The following PRKG1 variants were observed in gnomAD, a reference collection of about 807,000 sequenced individuals.
PRKG1 encodes the protein protein kinase cGMP-dependent 1.
In PRKG1, 35 loss-of-function variants were observed where a neutral mutation model predicts 88.1. That is an observed-to-expected ratio of 0.40 (90% CI 0.30 to 0.53). PRKG1 has a LOEUF of 0.53. PRKG1 is among the 20% of genes least tolerant of loss of function. PRKG1 has a pLI of 0.59. For synonymous variants in PRKG1, 303 were observed against 292.5 expected (o/e 1.04, Z -0.37); for missense variants, 540 against 839.8 (o/e 0.64, Z 4.41).
At chr10:51,775,171 C>T (rs1429453880) in intron 3 of PRKG1, among the ~76,000 whole-genome samples, 1 of 152,010 alleles carries the variant, frequency 6.6e-6, no homozygotes, top group African/African-American at 2.4e-5. Context: ...GTTATTAAGC[C>T]CTGTGATTTA....
At chr10:51,188,715 T>G (rs1020183903) in intron 2 of PRKG1, among the ~76,000 whole-genome samples, 25 of 151,954 alleles carry the variant, frequency 1.6e-4, no homozygotes, top group Middle Eastern at 3.4e-3. Context: ...GTGGTGGGTA[T>G]CCTAAGTGTA....
intron 4 of PRKG1, among the ~76,000 whole-genome samples, chr10:51,806,973 C>A (rs1295492258): frequency 6.6e-6 from 1 of 152,156 alleles, no homozygotes; most frequent in Non-Finnish European, 1.5e-5. Flanking sequence ...TGTATACTTA[C>A]CTCATTACAC....
At chr10:51,561,562 G>A (rs1006267554) in intron 3 of PRKG1, among the ~76,000 whole-genome samples, 3 of 151,754 alleles carry the variant, frequency 2.0e-5, no homozygotes, top group Non-Finnish European at 4.4e-5. Context: ...TTGAAACTCA[G>A]CAAAGAATAG....
intron 2 of PRKG1, among the ~76,000 whole-genome samples, chr10:51,205,610 A>T (rs1012049558): frequency 6.6e-6 from 1 of 150,836 alleles, no homozygotes; most frequent in African/African-American, 2.4e-5. Flanking sequence ...GTCTCGGCTC[A>T]CTGCCACCTC....
At chr10:51,367,996 G>T (rs1027855500) in intron 2 of PRKG1, among the ~76,000 whole-genome samples, 18 of 151,822 alleles carry the variant, frequency 1.2e-4, no homozygotes, top group African/African-American at 3.9e-4. Context: ...GTGTTTTGCT[G>T]ATTTTATTTC....
In PRKG1 at chr10:52,191,857, C is replaced by CAAT. The variant is rs1335131731; in HGVS notation, c.1076+29895_1076+29897dup. Among the ~76,000 whole-genome samples, 171 of 152,102 alleles carry CAAT rather than the reference C, an allele frequency of 1.1e-3. 1 individual carries two copies. The highest frequency in any genetic ancestry group is 4.0e-3 in the African/African-American group (168 of 41,498). On this transcript the variant is annotated intron_variant, in intron 9 of 17. Coordinates refer to ENST00000373980, the MANE Select transcript of PRKG1 (RefSeq NM_006258.4). ...TTAGGTTTTTAATAGAATTATTATC[C>CAAT]AATTTATTTTTTTCTTTGTATTTAT...
In PRKG1 at chr10:51,514,584, A is replaced by T. The variant is rs543198900; in HGVS notation, c.592+46748A>T. Among the ~76,000 whole-genome samples the T allele has an allele frequency of 5.9e-5, 9 of 152,338 alleles. No homozygotes were observed. The East Asian group carries it at 1.7e-3, about 29-fold the overall frequency. On this transcript the variant is annotated intron_variant, in intron 3 of 17. Transcript: ENST00000373980. Reference sequence around the variant, plus strand: ...AAAAGCCATGATGTGGCTTCCAAAGACTTGAAGTCAGTCTGAATCTGTAGA... The same window carrying T: ...AAAAGCCATGATGTGGCTTCCAAAGTCTTGAAGTCAGTCTGAATCTGTAGA...
chr10:51,959,341 G>A (rs1325314695), intron 5 of PRKG1, among the ~76,000 whole-genome samples: 2 of 152,142 alleles, frequency 1.3e-5, no homozygotes, highest in Non-Finnish European at 1.5e-5. Context: ...CTAGGAATTT[G>A]CTAGGCAGTC....
intron 1 of PRKG1, among the ~76,000 whole-genome samples, chr10:51,104,713 T>G (rs954719356): frequency 2.2e-5 from 3 of 137,334 alleles, no homozygotes; most frequent in African/African-American, 8.4e-5. Context: ...TTTATTTATT[T>G]ATTTATTTAT....
At chr10:52,105,539 C>T (rs1367099967) in intron 7 of PRKG1, among the ~76,000 whole-genome samples, 1 of 152,190 alleles carries the variant, frequency 6.6e-6, no homozygotes, top group Admixed American at 6.5e-5. Context: ...GGAGCCCTAA[C>T]TCTCCCCTTA....
At chr10:51,427,372 G>C (rs1280487080) in intron 2 of PRKG1, among the ~76,000 whole-genome samples, 1 of 152,144 alleles carries the variant, frequency 6.6e-6, no homozygotes, top group African/African-American at 2.4e-5. Context: ...TCATACACTA[G>C]CAAAGTTCCA....
At position 51,658,189 on chromosome 10, in the gene PRKG1, A is replaced by G. The variant is rs376207699; in HGVS notation, c.593-146396A>G. ...ATTCAACTGTTACTTTCATCCTTGC[A>G]CTACTGGATCAAGATTTTATCTCCT... On this transcript the variant is annotated intron_variant, in intron 3 of 17. Transcript: ENST00000373980. 6.6e-5 allele frequency among the ~76,000 whole-genome samples: 10 copies of G among 152,090 alleles called. No individual in the cohort carries two copies. The South Asian group carries it at 1.2e-3, about 19-fold the overall frequency.
chr10:51,815,246 T>G (rs573290317), intron 4 of PRKG1, among the ~76,000 whole-genome samples: 3 of 152,334 alleles, frequency 2.0e-5, no homozygotes, highest in Non-Finnish European at 4.4e-5. Flanking sequence ...GTAAGGCTTA[T>G]TTTATTTCTG....
intron 5 of PRKG1, among the ~76,000 whole-genome samples, chr10:52,004,920 C>A (rs1385745135): frequency 6.6e-6 from 1 of 152,046 alleles, no homozygotes; most frequent in Non-Finnish European, 1.5e-5. Context: ...GACTGATACC[C>A]AGTCTCCAAA....
chr10:52,263,328 A>C (rs1176534506), intron 10 of PRKG1, among the ~76,000 whole-genome samples: 1 of 152,102 alleles, frequency 6.6e-6, no homozygotes, highest in Non-Finnish European at 1.5e-5. Context: ...ACATGTAGCT[A>C]CCTGACAAAT....
intron 3 of PRKG1, among the ~76,000 whole-genome samples, chr10:51,518,766 TG>T (rs1841660982): frequency 6.6e-6 from 1 of 152,202 alleles, no homozygotes. Flanking sequence ...ATATTATTTC[TG>T]TGTCAAAATA....
At chr10:51,644,240 A>C (rs1839865698) in intron 3 of PRKG1, among the ~76,000 whole-genome samples, 1 of 152,168 alleles carries the variant, frequency 6.6e-6, no homozygotes, top group East Asian at 1.9e-4. Context: ...AGTTGGATCT[A>C]AACTCTGGAT....
chr10:51,335,454 G>C (rs1162203419), intron 2 of PRKG1, among the ~76,000 whole-genome samples: 1 of 151,856 alleles, frequency 6.6e-6, no homozygotes, highest in African/African-American at 2.4e-5. Flanking sequence ...ATTTTCCTCT[G>C]TCCCATTACA....
intron 9 of PRKG1, among the ~76,000 whole-genome samples, chr10:52,212,374 T>TA (rs1327588667): frequency 1.3e-5 from 2 of 152,140 alleles, no homozygotes; most frequent in African/African-American, 4.8e-5. Flanking sequence ...GAACTTAAAA[T>TA]AGGAAAGGAG....
Sources: gnomAD v4.1 joint callset for allele counts (sites outside exome capture counted in the v4.1 genomes callset) on GRCh38, gnomAD v4.1.1 for gene constraint, MANE v1.5 for transcripts, NCBI Gene and HGNC (gene_info 2026-07-23, HGNC 2026-07-21) for gene names.